RARB: variants seen among roughly 807,000 people sequenced by gnomAD.
The protein encoded by RARB is retinoic acid receptor beta.
RARB carries 17 observed loss-of-function variants against 51.9 expected under a neutral mutation model. The ratio of observed to expected loss-of-function variants is 0.33; its 90% CI spans 0.22 to 0.49. RARB has a LOEUF of 0.49. Ranked by LOEUF, RARB falls within the 20% of genes least tolerant of loss-of-function variation. RARB has a pLI of 0.99. For missense variants in RARB, 369 were observed against 550.8 expected (o/e 0.67, Z 3.30); for synonymous variants, 215 against 195.4 (o/e 1.10, Z -0.84).
At chr3:25,169,366 T>C (rs1040930152) in intron 4 of RARB, among the ~76,000 whole-genome samples, 3 of 152,156 alleles carry the variant, frequency 2.0e-5, no homozygotes, top group Non-Finnish European at 4.4e-5. Context: ...TCTCCAACTG[T>C]GGAATTCATT....
chr3:25,442,365 A>AC (rs922410781), intron 1 of RARB, among the ~76,000 whole-genome samples: 3 of 151,344 alleles, frequency 2.0e-5, no homozygotes, highest in African/African-American at 7.3e-5. Flanking sequence ...CGAACTCCTG[A>AC]CCTCATGATC....
intron 2 of RARB, among the ~76,000 whole-genome samples, chr3:25,004,406 A>G (rs953989288): frequency 6.6e-6 from 1 of 152,164 alleles, no homozygotes; most frequent in African/African-American, 2.4e-5. Context: ...TGGAGGCTGA[A>G]AAGTCCAAGA....
chr3:25,301,095 G>A (rs76242587), intron 5 of RARB, among the ~76,000 whole-genome samples: 5,846 of 152,266 alleles, frequency 0.038, 147 homozygotes, highest in Middle Eastern at 0.068. Context: ...AGAAACATTC[G>A]GATTTATGGC....
chr3:25,528,963 T>G (rs1290622455), intron 3 of RARB, among the ~76,000 whole-genome samples: 1 of 151,830 alleles, frequency 6.6e-6, no homozygotes, highest in Non-Finnish European at 1.5e-5. Context: ...TTGGTCAGAG[T>G]GGTCTTTCTG....
At chr3:25,194,879 C>G (rs1440071218) in intron 5 of RARB, among the ~76,000 whole-genome samples, 1 of 151,926 alleles carries the variant, frequency 6.6e-6, no homozygotes, top group Non-Finnish European at 1.5e-5. Flanking sequence ...CATTCAGTGA[C>G]ATTCTCTTCT....
intron 3 of RARB, among the ~76,000 whole-genome samples, chr3:25,120,582 T>C (rs1371653475): frequency 2.0e-5 from 3 of 150,426 alleles, no homozygotes; most frequent in Non-Finnish European, 4.4e-5. Context: ...TATTAGAGTA[T>C]AATTTTCTGA....
chr3:24,924,421 G>A (rs1276665158), intron 2 of RARB, among the ~76,000 whole-genome samples: 1 of 152,108 alleles, frequency 6.6e-6, no homozygotes, highest in Non-Finnish European at 1.5e-5. Context: ...CAATGAAAAT[G>A]TTTATATCTG....
intron 5 of RARB, among the ~76,000 whole-genome samples, chr3:25,208,439 C>G (rs1701612281): frequency 6.6e-6 from 1 of 152,064 alleles, no homozygotes; most frequent in African/African-American, 2.4e-5. Flanking sequence ...ACCTTTCAAG[C>G]AAGTCATTTG....
At chr3:25,308,833 T>C (rs1484966382) in intron 5 of RARB, among the ~76,000 whole-genome samples, 1 of 152,190 alleles carries the variant, frequency 6.6e-6, no homozygotes, top group African/African-American at 2.4e-5. Context: ...TCTTTAGCAA[T>C]CCAGTCATGT....
At chr3:25,345,838 G>A (rs978830732) in intron 5 of RARB, 1 of 879,074 alleles carries the variant, frequency 1.1e-6, no homozygotes, top group Non-Finnish European at 1.4e-6. Context: ...TGCTACCTAA[G>A]AGACACCTCC....
chr3:25,128,723 C>T (rs1337593925), intron 3 of RARB, among the ~76,000 whole-genome samples: 1 of 151,626 alleles, frequency 6.6e-6, no homozygotes, highest in Non-Finnish European at 1.5e-5. Flanking sequence ...AACTAGATAC[C>T]TAGGACAGTC....
At chr3:25,397,155 C>G (rs1014661084) in intron 5 of RARB, among the ~76,000 whole-genome samples, 2 of 152,202 alleles carry the variant, frequency 1.3e-5, no homozygotes, top group African/African-American at 4.8e-5. Context: ...GGCAGCCCTC[C>G]CCAAGGGTCC....
At position 25,302,058 on chromosome 3, in the gene RARB, G is replaced by T. The variant is rs1704053698; in HGVS notation, c.178+127483G>T. On this transcript the variant is annotated intron_variant, in intron 5 of 11. Transcript: ENST00000383772. ...AATGCCAAGAAGAATAAATAAAAGT[G>T]AGTCATAATCACAGTGAGATACTAC... Among the ~76,000 whole-genome samples the T allele has an allele frequency of 2.6e-5, 4 of 152,148 alleles. No individual in the cohort carries two copies. In the South Asian group the frequency reaches 6.2e-4, roughly 24 times the overall value.
rs145748118 is a variant in RARB at position 25,222,509 on chromosome 3, G to C, written c.178+47934G>C. On this transcript the variant is annotated intron_variant, in intron 5 of 11. Coordinates refer to the RARB transcript ENST00000383772. ...TCATAGCTGATATAATTCTCAAATA[G>C]ATTAAAAAAACTTACACAATGATGC... 6.0e-3 allele frequency among the ~76,000 whole-genome samples: 912 copies of C among 151,700 alleles called. 12 individuals carry two copies. Among genetic ancestry groups the C allele is most frequent in the African/African-American group, 0.021 (854 of 41,258 alleles).
chr3:25,594,719 C>T, intron 7 of RARB, 41 bp downstream of exon 7: 6 of 1,474,428 alleles, frequency 4.1e-6, no homozygotes, highest in Non-Finnish European at 5.4e-6. Flanking sequence ...ACACAGTGGA[C>T]TTGAGGGCCT....
At chr3:25,210,968 G>T (rs1701682291) in intron 5 of RARB, among the ~76,000 whole-genome samples, 1 of 152,078 alleles carries the variant, frequency 6.6e-6, no homozygotes, top group African/African-American at 2.4e-5. Flanking sequence ...ATGTGACTTT[G>T]AGTATATTAC....
At chr3:24,939,032 G>C (rs1006943902) in intron 2 of RARB, among the ~76,000 whole-genome samples, 1 of 151,488 alleles carries the variant, frequency 6.6e-6, no homozygotes, top group Non-Finnish European at 1.5e-5. Context: ...CCCCAAGCTA[G>C]AGTGCATTGA....
intron 5 of RARB, among the ~76,000 whole-genome samples, chr3:25,276,721 T>C (rs1208436217): frequency 1.3e-5 from 2 of 152,200 alleles, no homozygotes; most frequent in African/African-American, 4.8e-5. Context: ...AGCCAACTTG[T>C]ATTCCATTTG....
At chr3:25,422,499 T>G (rs1019091837) in intron 5 of RARB, among the ~76,000 whole-genome samples, 3 of 152,162 alleles carry the variant, frequency 2.0e-5, no homozygotes, top group African/African-American at 7.2e-5. Context: ...TATATGGGAC[T>G]GAGGTGGGGT....
Sources: gnomAD v4.1 joint callset for allele counts (sites outside exome capture counted in the v4.1 genomes callset) on GRCh38, gnomAD v4.1.1 for gene constraint, MANE v1.5 for transcripts, NCBI Gene and HGNC (gene_info 2026-07-23, HGNC 2026-07-21) for gene names.